The following PRKN variants were observed in gnomAD, a reference collection of about 807,000 sequenced individuals.
The protein encoded by PRKN is E3 ubiquitin-protein ligase parkin.
PRKN carries 56 observed loss-of-function variants against 59.5 expected under a neutral mutation model. The observed-to-expected ratio is 0.94, with a 90% CI of 0.76 to 1.18. The LOEUF is 1.18. Among genes scored for constraint, PRKN ranks in the 50% most tolerant of loss-of-function variants. The pLI is 0.00. For missense variants in PRKN, 657 were observed against 596.4 expected (o/e 1.10, Z -1.06); for synonymous variants, 250 against 222.1 (o/e 1.13, Z -1.12).
intron 9 of PRKN, among the ~76,000 whole-genome samples, chr6:161,474,628 T>C (rs1419788292): frequency 6.6e-6 from 1 of 152,002 alleles, no homozygotes; most frequent in African/African-American, 2.4e-5. Context: ...GGAGTCTCGC[T>C]CTGTTGCCCA....
At chr6:162,683,671 C>CT (rs1779854871) in intron 1 of PRKN, among the ~76,000 whole-genome samples, 1 of 152,072 alleles carries the variant, frequency 6.6e-6, no homozygotes, top group Non-Finnish European at 1.5e-5. Context: ...TATAATTACT[C>CT]TAAGATGGAA....
intron 4 of PRKN, among the ~76,000 whole-genome samples, chr6:162,194,783 A>G (rs1482528357): frequency 6.6e-6 from 1 of 152,060 alleles, no homozygotes; most frequent in Non-Finnish European, 1.5e-5. Flanking sequence ...CTTTGGTAAA[A>G]GGGAAAAAGA....
chr6:161,925,887 A>G (rs954324856), intron 6 of PRKN, among the ~76,000 whole-genome samples: 11 of 152,194 alleles, frequency 7.2e-5, no homozygotes, highest in Non-Finnish European at 1.6e-4. Flanking sequence ...GGCACTTACC[A>G]CATGCCAGAC....
At chr6:161,738,486 A>G (rs9355358) in intron 7 of PRKN, among the ~76,000 whole-genome samples, 37,611 of 152,106 alleles carry the variant, frequency 0.25, 5,205 homozygotes, top group East Asian at 0.56. Flanking sequence ...AGGAAGTAAC[A>G]TGACATTATT....
chr6:161,880,361 C>T (rs536319944), intron 6 of PRKN, among the ~76,000 whole-genome samples: 30 of 152,138 alleles, frequency 2.0e-4, no homozygotes, highest in Admixed American at 6.5e-4. Flanking sequence ...ATATTTAGAG[C>T]GTAAATGTAA....
chr6:162,167,104 C>G (rs1057230158), intron 4 of PRKN, among the ~76,000 whole-genome samples: 2 of 152,144 alleles, frequency 1.3e-5, no homozygotes, highest in Non-Finnish European at 2.9e-5. Flanking sequence ...ATGAGTGGAT[C>G]TACAGTGATG....
At chr6:161,556,029 T>C (rs1023116804) in intron 8 of PRKN, among the ~76,000 whole-genome samples, 4 of 152,214 alleles carry the variant, frequency 2.6e-5, no homozygotes, top group Admixed American at 2.0e-4. Flanking sequence ...TTTATTACTA[T>C]GACAATAGCT....
At chr6:161,733,833 T>C (rs1206453733) in intron 7 of PRKN, among the ~76,000 whole-genome samples, 1 of 142,956 alleles carries the variant, frequency 7.0e-6, no homozygotes, top group African/African-American at 2.6e-5. Context: ...TATTCCAAAG[T>C]GAATGACACA....
At chr6:162,707,884 T>C (rs574400763) in intron 1 of PRKN, among the ~76,000 whole-genome samples, 13 of 152,042 alleles carry the variant, frequency 8.6e-5, no homozygotes, top group Non-Finnish European at 1.5e-4. Context: ...CTGGCTAATA[T>C]TTGTATTTTT....
At chr6:162,664,568 T>A (rs2128228858) in intron 1 of PRKN, among the ~76,000 whole-genome samples, 1 of 152,308 alleles carries the variant, frequency 6.6e-6, no homozygotes, top group Middle Eastern at 3.4e-3. Context: ...GTTTCCTGAC[T>A]TTTTAATAAT....
At chr6:162,116,938 A>T (rs1780700582) in intron 4 of PRKN, among the ~76,000 whole-genome samples, 1 of 152,182 alleles carries the variant, frequency 6.6e-6, no homozygotes, top group African/African-American at 2.4e-5. Context: ...AGAGGGACTG[A>T]AGGATTTTTA....
chr6:162,359,079 A>AAAAAAAAAAAT (rs57265104), intron 2 of PRKN, among the ~76,000 whole-genome samples: 5 of 83,248 alleles, frequency 6.0e-5, no homozygotes, highest in African/African-American at 3.7e-4. Context: ...AAAAAAAAAA[A>AAAAAAAAAAAT]ATATATATAT....
intron 3 of PRKN, among the ~76,000 whole-genome samples, chr6:162,244,180 A>G (rs1779107386): frequency 6.6e-6 from 1 of 152,130 alleles, no homozygotes; most frequent in Non-Finnish European, 1.5e-5. Flanking sequence ...TTAACATTCT[A>G]CAACATCAGT....
chr6:161,867,452 A>T (rs962495356), intron 6 of PRKN, among the ~76,000 whole-genome samples: 1 of 152,202 alleles, frequency 6.6e-6, no homozygotes, highest in African/African-American at 2.4e-5. Context: ...GCCCTGTACA[A>T]CAGCAGACTG....
rs118005752 is a variant in PRKN at position 161,414,036 on chromosome 6, C to T, written c.1084-27159G>A. Among the ~76,000 whole-genome samples, 110 of 152,208 alleles carry T rather than the reference C, an allele frequency of 7.2e-4. No homozygotes were observed. Among genetic ancestry groups the T allele is most frequent in the Non-Finnish European group, 1.3e-3 (86 of 68,008 alleles). On this transcript the variant is annotated intron_variant, in intron 9 of 11. Coordinates refer to ENST00000366898, the MANE Select transcript of PRKN (RefSeq NM_004562.3). The surrounding 1 kb of genome is among the most constrained non-coding windows in gnomAD (Gnocchi z 5.3). ...CAGAGCGGTGGGACGTGAAACTCCT[C>T]GACAGCACTGTGTCCTGGGCCGAGG...
Position 161,371,133 on chromosome 6 carries a change from AATATGTAT to A in PRKN, c.1168-10936_1168-10929del, listed in dbSNP as rs1562401192. Among the ~76,000 whole-genome samples the A allele has an allele frequency of 2.0e-5, 3 of 152,074 alleles. No homozygotes were observed. The highest frequency in any genetic ancestry group is 7.2e-5 in the African/African-American group (3 of 41,412). On this transcript the variant is annotated intron_variant, in intron 10 of 11. Coordinates refer to ENST00000366898, the MANE Select transcript of PRKN (RefSeq NM_004562.3). This position sits in a 1 kb window ranked among gnomAD's most constrained non-coding sequence, Gnocchi z 5.5. Reference sequence around the variant, plus strand: ...GTCTTATGACTATCTCTTTTTGGAGAATATGTATATATGTATATATTTAAATGTATTTT... The same window carrying A: ...GTCTTATGACTATCTCTTTTTGGAGAATATGTATATATTTAAATGTATTTT...
intron 1 of PRKN, among the ~76,000 whole-genome samples, chr6:162,719,893 T>C (rs1217153321): frequency 7.8e-6 from 1 of 128,246 alleles, no homozygotes; most frequent in African/African-American, 2.9e-5. Flanking sequence ...CAGGTAGATG[T>C]CAAAAAAAAA....
intron 2 of PRKN, among the ~76,000 whole-genome samples, chr6:162,273,474 T>G (rs1222315713): frequency 6.6e-6 from 1 of 152,210 alleles, no homozygotes; most frequent in Non-Finnish European, 1.5e-5. Flanking sequence ...CTGTATATCC[T>G]TTAGTACAAA....
chr6:162,069,454 C>A (rs990460202), intron 4 of PRKN, among the ~76,000 whole-genome samples: 4 of 152,086 alleles, frequency 2.6e-5, no homozygotes, highest in Non-Finnish European at 5.9e-5. Flanking sequence ...GAAATAAATA[C>A]CAGATGTAAC....
Sources: gnomAD v4.1 joint callset for allele counts (sites outside exome capture counted in the v4.1 genomes callset) on GRCh38, gnomAD v4.1.1 for gene constraint, Gnocchi (gnomAD v3.1) non-coding constraint, MANE v1.5 for transcripts, NCBI Gene and HGNC (gene_info 2026-07-23, HGNC 2026-07-21) for gene names.